The following PDZRN3 variants were observed in gnomAD, a reference collection of about 807,000 sequenced individuals.
PDZRN3 encodes the protein E3 ubiquitin-protein ligase PDZRN3.
A neutral mutation model predicts 85.7 loss-of-function variants in PDZRN3; 38 were observed. The observed-to-expected ratio is 0.44, with a 90% CI of 0.34 to 0.58. The LOEUF (loss-of-function observed/expected upper bound fraction) is 0.58. Ranked by LOEUF, PDZRN3 falls within the 20% of genes least tolerant of loss-of-function variation. PDZRN3 has a pLI of 0.01. For synonymous variants in PDZRN3, 759 were observed against 638.0 expected (o/e 1.19, Z -2.86); for missense variants, 1,629 against 1,506.4 (o/e 1.08, Z -1.35).
chr3:73,436,944 G>A (rs1702542260), intron 3 of PDZRN3, among the ~76,000 whole-genome samples: 1 of 151,768 alleles, frequency 6.6e-6, no homozygotes, highest in Admixed American at 6.6e-5. Flanking sequence ...TACTTGGGAG[G>A]CTGAGGCAGG....
intron 3 of PDZRN3, among the ~76,000 whole-genome samples, chr3:73,550,888 G>C (rs1365562067): frequency 6.6e-6 from 1 of 152,240 alleles, no homozygotes; most frequent in Non-Finnish European, 1.5e-5. Context: ...ACTCTGAAGT[G>C]TCTCTGCCCT....
At chr3:73,549,578 A>G (rs1701504331) in intron 3 of PDZRN3, among the ~76,000 whole-genome samples, 1 of 152,188 alleles carries the variant, frequency 6.6e-6, no homozygotes, top group Non-Finnish European at 1.5e-5. Flanking sequence ...GTTGCCAAAC[A>G]TTTCATAAAG....
intron 3 of PDZRN3, among the ~76,000 whole-genome samples, chr3:73,590,268 CAAAAAAAAAA>C (rs10685167): frequency 1.0e-5 from 1 of 97,546 alleles, no homozygotes; most frequent in African/African-American, 4.3e-5. Flanking sequence ...GACTCTGTCT[CAAAAAAAAAA>C]AAAAAAAAGA....
At chr3:73,520,912 G>C (rs1160463838) in intron 3 of PDZRN3, among the ~76,000 whole-genome samples, 1 of 152,322 alleles carries the variant, frequency 6.6e-6, no homozygotes, top group Non-Finnish European at 1.5e-5. Context: ...CAAGGTGCGT[G>C]TAAACACTGG....
chr3:73,521,633 C>T (rs1198988258), intron 3 of PDZRN3, among the ~76,000 whole-genome samples: 1 of 152,172 alleles, frequency 6.6e-6, no homozygotes, highest in African/African-American at 2.4e-5. Context: ...ATGGCTGCTG[C>T]ACACTCTGCT....
At chr3:73,433,911 C>A in intron 3 of PDZRN3, 1 of 1,426,884 alleles carries the variant, frequency 7.0e-7, no homozygotes, top group Non-Finnish European at 9.1e-7. Flanking sequence ...TCGCAGCATG[C>A]ATGCATGCAC....
At chr3:73,514,031 C>T (rs567448757) in intron 3 of PDZRN3, among the ~76,000 whole-genome samples, 8 of 152,238 alleles carry the variant, frequency 5.3e-5, no homozygotes, top group Admixed American at 3.9e-4. Context: ...ATTTTAGGAA[C>T]AATGCATTTT....
intron 3 of PDZRN3, among the ~76,000 whole-genome samples, chr3:73,405,171 T>C (rs1404974311): frequency 6.6e-6 from 1 of 152,216 alleles, no homozygotes; most frequent in African/African-American, 2.4e-5. Context: ...TCAAACCTCA[T>C]GAGAGGACCT....
At chr3:73,467,945 A>C (rs574363760) in intron 3 of PDZRN3, among the ~76,000 whole-genome samples, 1 of 152,250 alleles carries the variant, frequency 6.6e-6, no homozygotes, top group African/African-American at 2.4e-5. Context: ...GGGTTAGAGG[A>C]AGGAGGGAAT....
At chr3:73,583,459 C>T (rs575863931) in intron 3 of PDZRN3, among the ~76,000 whole-genome samples, 1 of 152,250 alleles carries the variant, frequency 6.6e-6, no homozygotes, top group African/African-American at 2.4e-5. Context: ...GTTTCCAGAC[C>T]TTTTCACCTG....
At chr3:73,403,132 G>C (rs1001107336) in intron 4 of PDZRN3, among the ~76,000 whole-genome samples, 2 of 152,202 alleles carry the variant, frequency 1.3e-5, no homozygotes, top group African/African-American at 4.8e-5. Flanking sequence ...ATTTTTAGTA[G>C]AGACGGGGTT....
intron 3 of PDZRN3, among the ~76,000 whole-genome samples, chr3:73,462,607 A>C (rs1477405636): frequency 6.6e-6 from 1 of 151,980 alleles, no homozygotes; most frequent in Non-Finnish European, 1.5e-5. Context: ...CATATTGCAG[A>C]AAGCAGCAAG....
rs748196690 is a variant in PDZRN3, at chr3:73,459,744, G to A, written c.919-55349C>T. Among the ~76,000 whole-genome samples the A allele has an allele frequency of 2.1e-4, 32 of 152,150 alleles. 1 individual carries two copies. The highest frequency in any genetic ancestry group is 1.2e-3 in the South Asian group (6 of 4,812). On this transcript the variant is annotated intron_variant, in intron 3 of 9. Coordinates refer to ENST00000263666, the MANE Select transcript of PDZRN3 (RefSeq NM_015009.3). ...GTATATGTACCACATTTTCTTTATCGAATCTGTCATTGATGGGCATTTTGG... is the reference window on the plus strand; with the variant it reads ...GTATATGTACCACATTTTCTTTATCAAATCTGTCATTGATGGGCATTTTGG...
Position 73,388,076 on chromosome 3 carries a change from A to T in PDZRN3, c.1417-7T>A, listed in dbSNP as rs758047419. 9.7e-6 allele frequency: 12 copies of T among 1,233,646 alleles called. No homozygotes were observed. In the African/African-American group the frequency reaches 1.7e-4, roughly 17 times the overall value. 76.4% of individuals were successfully genotyped at this position (1,233,646 alleles called of 1,614,324 possible). A position where few individuals can be genotyped will look rare whatever the true frequency, so the allele number is the denominator to read the frequency against. ...GCACCTCTATCCCATTAATCTTTTA[A>T]AAAAAAAGGGGGGGTGGGGAGAGTG... On this transcript the variant is annotated splice_region_variant and splice_polypyrimidine_tract_variant and intron_variant, in intron 7 of 9. Coordinates refer to ENST00000263666, the MANE Select transcript of PDZRN3 (RefSeq NM_015009.3).
At chr3:73,576,911 A>G (rs1280168256) in intron 3 of PDZRN3, among the ~76,000 whole-genome samples, 1 of 152,192 alleles carries the variant, frequency 6.6e-6, no homozygotes, top group Non-Finnish European at 1.5e-5. Flanking sequence ...ACATTAAATC[A>G]AGCACAACCC....
At chr3:73,591,897 A>AC (rs1702362200) in intron 3 of PDZRN3, among the ~76,000 whole-genome samples, 1 of 152,114 alleles carries the variant, frequency 6.6e-6, no homozygotes, top group Non-Finnish European at 1.5e-5. Context: ...CATAGGTCTC[A>AC]CATGTAAACT....
chr3:73,387,089 C>G (rs1341504297), intron 8 of PDZRN3, among the ~76,000 whole-genome samples: 1 of 152,230 alleles, frequency 6.6e-6, no homozygotes, highest in Admixed American at 6.5e-5. Flanking sequence ...CATCTCTCTT[C>G]CCTGCTGCCA....
rs188347612 is a variant in PDZRN3 at position 73,481,996 on chromosome 3, C to T, written c.919-77601G>A. On this transcript the variant is annotated intron_variant, in intron 3 of 9. Coordinates refer to ENST00000263666, the MANE Select transcript of PDZRN3 (RefSeq NM_015009.3). ...ACAGCCTAGCATTCTTTCCATTATG[C>T]GAAAATGGCAAACAAATGGTTTTCA... 3.5e-3 allele frequency among the ~76,000 whole-genome samples: 525 copies of T among 152,106 alleles called. 2 individuals carry two copies. Among genetic ancestry groups the T allele is most frequent in the Non-Finnish European group, 5.1e-3 (349 of 67,974 alleles).
At chr3:73,592,934 C>A (rs1027376363) in intron 3 of PDZRN3, among the ~76,000 whole-genome samples, 12 of 152,112 alleles carry the variant, frequency 7.9e-5, no homozygotes, top group African/African-American at 1.4e-4. Flanking sequence ...ATGATGTCTG[C>A]CTACTGCTTT....
Sources: allele counts gnomAD v4.1 joint callset (sites outside exome capture counted in the v4.1 genomes callset), GRCh38; gene constraint gnomAD v4.1.1; transcripts MANE v1.5; gene names NCBI Gene and HGNC (gene_info 2026-07-23, HGNC 2026-07-21).